Variants in TRIM36 observed in about 807,000 individuals in gnomAD.
TRIM36 encodes the protein tripartite motif containing 36.
TRIM36 carries 42 observed loss-of-function variants against 72.4 expected under a neutral mutation model. That is an observed-to-expected ratio of 0.58 (90% CI 0.45 to 0.75). The LOEUF is 0.75. TRIM36 is among the 30% of genes least tolerant of loss of function. TRIM36 has a pLI of 0.00. For synonymous variants in TRIM36, 315 were observed against 282.8 expected (o/e 1.11, Z -1.14); for missense variants, 913 against 857.1 (o/e 1.07, Z -0.81).
chr5:115,137,356 A>G lies in TRIM36; in HGVS notation c.1085+7T>C. 1 of 1,598,472 alleles carries G rather than the reference A, an allele frequency of 6.3e-7. No homozygotes were observed. Among genetic ancestry groups the G allele is most frequent in the South Asian group, 1.1e-5 (1 of 87,714 alleles). On this transcript the variant is annotated splice_region_variant and intron_variant, in intron 6 of 9. Transcript: ENST00000513154. ...TAGGTTCTAAAGTTAGAAGTAAAAG[A>G]GAATACCTGAGGTGGAGCTGCTTTG...
chr5:115,169,964 G>C, upstream of TRIM36: 1 of 1,182,182 alleles, frequency 8.5e-7, no homozygotes, highest in Non-Finnish European at 1.0e-6. Flanking sequence ...GCGTGGACAG[G>C]GCGTGGCCTG....
intron 2 of TRIM36, among the ~76,000 whole-genome samples, 187 bp downstream of exon 2, chr5:115,163,331 A>AAAAG (rs1754585511): frequency 6.6e-6 from 1 of 152,216 alleles, no homozygotes; most frequent in Non-Finnish European, 1.5e-5. Context: ...AGTATGTATC[A>AAAAG]AAAGACGAGA....
At chr5:115,170,006 A>G (rs1755021910), upstream of TRIM36, 1 of 1,086,118 alleles carries the variant, frequency 9.2e-7, no homozygotes, top group African/African-American at 1.6e-5. Context: ...CCAGTCGCAC[A>G]AAAGAGGCGG....
chr5:115,166,630 C>T (rs1754789306), intron 1 of TRIM36, among the ~76,000 whole-genome samples: 1 of 152,196 alleles, frequency 6.6e-6, no homozygotes, highest in Non-Finnish European at 1.5e-5. Flanking sequence ...CAGGACCAAA[C>T]AAGCTGTAAC....
At chr5:115,171,279 G>A (rs538102525), upstream of TRIM36, 26 of 1,605,728 alleles carry the variant, frequency 1.6e-5, no homozygotes, top group Non-Finnish European at 2.0e-5. Flanking sequence ...TTTCTCTAAT[G>A]GAATACCCTC....
At chr5:115,179,303 C>T (rs1755499920) in intron 1 of TRIM36, among the ~76,000 whole-genome samples, 1 of 152,208 alleles carries the variant, frequency 6.6e-6, no homozygotes, top group South Asian at 2.1e-4. Context: ...CCACCGACGG[C>T]GCCAGCCTGC....
chr5:115,166,660 C>A (rs976660074), intron 1 of TRIM36, among the ~76,000 whole-genome samples: 1 of 152,220 alleles, frequency 6.6e-6, no homozygotes, highest in Non-Finnish European at 1.5e-5. Context: ...GTCAAATACA[C>A]CCTGCTGCTC....
At chr5:115,131,746 A>G (rs1752693299) in intron 8 of TRIM36, among the ~76,000 whole-genome samples, 1 of 152,222 alleles carries the variant, frequency 6.6e-6, no homozygotes, top group Non-Finnish European at 1.5e-5. Flanking sequence ...ATTTCGATAC[A>G]TGCTACAACA....
chr5:115,127,623 G>C (rs567977505), intron 9 of TRIM36, among the ~76,000 whole-genome samples: 43 of 152,256 alleles, frequency 2.8e-4, no homozygotes, highest in Admixed American at 2.7e-3. Flanking sequence ...CCACTGTAAG[G>C]CTGTAGTGTA....
At chr5:115,161,076 G>A (rs4146835) in intron 2 of TRIM36, among the ~76,000 whole-genome samples, 16,359 of 152,050 alleles carry the variant, frequency 0.11, 1,455 homozygotes, top group East Asian at 0.37. Context: ...TACAGCATTC[G>A]CACCCTTTGG....
chr5:115,138,934 G>A (rs1279280053), intron 5 of TRIM36, among the ~76,000 whole-genome samples: 1 of 152,058 alleles, frequency 6.6e-6, no homozygotes, highest in East Asian at 1.9e-4. Flanking sequence ...TCCTGCCTCA[G>A]CCTCCCGAGT....
chr5:115,165,225 AG>A (rs1754696370), intron 1 of TRIM36, among the ~76,000 whole-genome samples: 1 of 152,242 alleles, frequency 6.6e-6, no homozygotes, highest in Non-Finnish European at 1.5e-5. Flanking sequence ...TGGGGTCTGG[AG>A]GACCATGGTC....
Position 115,133,972 on chromosome 5 carries a change from T to G in TRIM36, c.1386A>C (p.Ile462=). 1 of 1,613,988 alleles carries G rather than the reference T, an allele frequency of 6.2e-7. No homozygotes were observed. Among genetic ancestry groups the G allele is most frequent in the Non-Finnish European group, 8.5e-7 (1 of 1,179,946 alleles). Residue 462 remains isoleucine (I), a synonymous_variant, in exon 8 of 10, where the codon ATA becomes ATC. Transcript: ENST00000513154. ...NEIEVCGTSK[I]IQDLENSSTY... ...TACTACTGTTTTCCAAGTCTTGAAT[T>G]ATTTTACTTGTTCCACACACTTCTA... is the stretch of plus-strand genomic sequence containing the variant.
chr5:115,127,645 G>A (rs998604453), intron 9 of TRIM36, among the ~76,000 whole-genome samples: 1 of 152,216 alleles, frequency 6.6e-6, no homozygotes, highest in Non-Finnish European at 1.5e-5. Flanking sequence ...CCCATTACAT[G>A]TTTGTGGTGA....
intron 2 of TRIM36, among the ~76,000 whole-genome samples, chr5:115,150,735 G>T (rs1257505150): frequency 3.3e-5 from 5 of 152,224 alleles, no homozygotes; most frequent in African/African-American, 1.2e-4. Flanking sequence ...GTGGAACTGG[G>T]AAAGGGAGAT....
At chr5:115,176,195 T>TA (rs1561453435) in intron 1 of TRIM36, among the ~76,000 whole-genome samples, 2 of 152,208 alleles carry the variant, frequency 1.3e-5, no homozygotes. Context: ...CACCCCAGTT[T>TA]AGATTTTAGT....
intron 7 of TRIM36, among the ~76,000 whole-genome samples, chr5:115,136,729 GTTAA>G (rs2112796913): frequency 6.6e-6 from 1 of 152,276 alleles, no homozygotes; most frequent in East Asian, 1.9e-4. Flanking sequence ...AAGTATTTAT[GTTAA>G]TTTTCTAAAA....
chr5:115,175,706 T>C (rs934981836), intron 1 of TRIM36, among the ~76,000 whole-genome samples: 1 of 151,818 alleles, frequency 6.6e-6, no homozygotes, highest in Admixed American at 6.5e-5. Context: ...AGGAAAATTA[T>C]ATTTATGAAA....
At chr5:115,136,377 A>G (rs1436438923) in intron 7 of TRIM36, among the ~76,000 whole-genome samples, 2 of 152,204 alleles carry the variant, frequency 1.3e-5, no homozygotes, top group African/African-American at 4.8e-5. Flanking sequence ...AGAGGTTCAG[A>G]AGAAACCAAC....
Sources: gnomAD v4.1 joint callset for allele counts (sites outside exome capture counted in the v4.1 genomes callset) on GRCh38, gnomAD v4.1.1 for gene constraint, MANE v1.5 for transcripts, NCBI Gene and HGNC (gene_info 2026-07-23, HGNC 2026-07-21) for gene names.